GRIA1: variants seen among roughly 807,000 people sequenced by gnomAD.
The protein encoded by GRIA1 is glutamate ionotropic receptor AMPA type subunit 1.
Under a neutral mutation model 99.2 loss-of-function variants are expected in GRIA1, and 31 were observed. The ratio of observed to expected loss-of-function variants is 0.31; its 90% CI spans 0.23 to 0.42. The LOEUF is 0.42. Ranked by LOEUF, GRIA1 falls within the 10% of genes least tolerant of loss-of-function variation. The pLI, the probability that GRIA1 is intolerant of heterozygous loss-of-function variation, is 1.00. For synonymous variants in GRIA1, 438 were observed against 432.4 expected, an observed-to-expected ratio of 1.01 and a Z score of -0.16; for missense variants, 782 against 1,157.5, an observed-to-expected ratio of 0.68 and a Z score of 4.71.
At chr5:153,683,661 C>A (rs1757142141) in intron 7 of GRIA1, among the ~76,000 whole-genome samples, 1 of 152,168 alleles carries the variant, frequency 6.6e-6, no homozygotes, top group South Asian at 2.1e-4. Context: ...CTGAAAGAGT[C>A]CCCTTGTCTT....
At chr5:153,718,367 G>A (rs1389491323) in intron 11 of GRIA1, among the ~76,000 whole-genome samples, 1 of 152,158 alleles carries the variant, frequency 6.6e-6, no homozygotes, top group Non-Finnish European at 1.5e-5. Flanking sequence ...AAGGGATTAA[G>A]CAAGACTTAT....
chr5:153,655,189 C>T (rs551034998), intron 4 of GRIA1, among the ~76,000 whole-genome samples: 1 of 152,262 alleles, frequency 6.6e-6, no homozygotes, highest in Non-Finnish European at 1.5e-5. Context: ...CCAGATGATC[C>T]TAACTTTCCC....
intron 2 of GRIA1, among the ~76,000 whole-genome samples, chr5:153,626,581 C>G (rs1767648592): frequency 6.6e-6 from 1 of 152,032 alleles, no homozygotes; most frequent in Non-Finnish European, 1.5e-5. Flanking sequence ...ACCCTTAGCT[C>G]TCAGTGCTAA....
intron 11 of GRIA1, among the ~76,000 whole-genome samples, chr5:153,716,061 C>T (rs1033068162): frequency 3.9e-5 from 6 of 152,214 alleles, no homozygotes; most frequent in Admixed American, 2.6e-4. Flanking sequence ...CCAGCTACCC[C>T]ACTATTCAGG....
At chr5:153,704,581 A>G (rs867004260) in intron 10 of GRIA1, among the ~76,000 whole-genome samples, 1 of 152,196 alleles carries the variant, frequency 6.6e-6, no homozygotes, top group South Asian at 2.1e-4. Flanking sequence ...TGTATTATAT[A>G]TGTATTTCTT....
intron 2 of GRIA1, among the ~76,000 whole-genome samples, chr5:153,591,407 G>A (rs573356727): frequency 2.6e-5 from 4 of 152,080 alleles, no homozygotes; most frequent in Admixed American, 1.3e-4. Context: ...ATTGAGTATC[G>A]CACGAAAACC....
At chr5:153,666,378 C>T (rs1755745747) in intron 5 of GRIA1, among the ~76,000 whole-genome samples, 1 of 152,134 alleles carries the variant, frequency 6.6e-6, no homozygotes, top group African/African-American at 2.4e-5. Context: ...GAATAAAGTG[C>T]TGTGTGGTTC....
intron 2 of GRIA1, among the ~76,000 whole-genome samples, chr5:153,633,276 T>A (rs1270787017): frequency 1.3e-5 from 2 of 152,240 alleles, no homozygotes; most frequent in African/African-American, 2.4e-5. Context: ...TACTGTTTCC[T>A]CCAGAATTAA....
intron 2 of GRIA1, among the ~76,000 whole-genome samples, chr5:153,540,163 G>A (rs1457121478): frequency 1.3e-5 from 2 of 152,204 alleles, no homozygotes; most frequent in Non-Finnish European, 2.9e-5. Flanking sequence ...GCCTCTGCCT[G>A]CCTTGCCTTA....
intron 11 of GRIA1, among the ~76,000 whole-genome samples, chr5:153,744,930 AG>A (rs540148695): frequency 3.9e-4 from 59 of 152,354 alleles, no homozygotes; most frequent in Non-Finnish European, 7.6e-4. Flanking sequence ...AGCAGCAGTC[AG>A]GCAGGCTTCT....
chr5:153,750,351 C>T (rs1762431083), intron 11 of GRIA1, among the ~76,000 whole-genome samples: 1 of 152,102 alleles, frequency 6.6e-6, no homozygotes, highest in African/African-American at 2.4e-5. Context: ...TATAAATAGC[C>T]ATTTGAAGAA....
chr5:153,636,591 G>C (rs1233323911), intron 2 of GRIA1, among the ~76,000 whole-genome samples: 1 of 152,158 alleles, frequency 6.6e-6, no homozygotes, highest in African/African-American at 2.4e-5. Context: ...TGCAGAAAAA[G>C]TTTGCCTATA....
At chr5:153,628,401 CTT>C (rs770819972) in intron 2 of GRIA1, among the ~76,000 whole-genome samples, 2 of 152,296 alleles carry the variant, frequency 1.3e-5, no homozygotes, top group Admixed American at 6.5e-5. Flanking sequence ...TGCCCTTGAA[CTT>C]TCATATTTTC....
At chr5:153,808,830 A>G (rs759829075) in intron 15 of GRIA1, among the ~76,000 whole-genome samples, 89 of 152,242 alleles carry the variant, frequency 5.8e-4, no homozygotes, top group Non-Finnish European at 1.1e-3. Context: ...GTATGGAGTC[A>G]TTGACTTTGA....
At chr5:153,646,819 G>A (rs1010499977) in intron 2 of GRIA1, 109 bp from the exon 3 acceptor site, 7 of 1,175,562 alleles carry the variant, frequency 6.0e-6, no homozygotes, top group Middle Eastern at 4.4e-4. Context: ...ATGACAGTTG[G>A]GTGGATAATT....
chr5:153,690,823 A>G (rs1237374802), intron 8 of GRIA1, among the ~76,000 whole-genome samples: 1 of 152,182 alleles, frequency 6.6e-6, no homozygotes, highest in Non-Finnish European at 1.5e-5. Flanking sequence ...TCCTTTGTTT[A>G]TGGGGGATCT....
Position 153,688,259 on chromosome 5 carries a change from T to TA in GRIA1, c.1134+1931dup, listed in dbSNP as rs1197645443. Reference sequence around the variant, plus strand: ...AGGGCACCCTATTTGGCTATGAATGTAGCCACTGGGAACGTATCCACTTCT... The same window carrying TA: ...AGGGCACCCTATTTGGCTATGAATGTAAGCCACTGGGAACGTATCCACTTCT... On this transcript the variant is annotated intron_variant, in intron 8 of 15. Coordinates refer to ENST00000285900, the MANE Select transcript of GRIA1 (RefSeq NM_000827.4). 2.6e-5 allele frequency among the ~76,000 whole-genome samples: 4 copies of TA among 152,308 alleles called. No individual in the cohort carries two copies. In the East Asian group the frequency reaches 5.8e-4, roughly 22 times the overall value.
At chr5:153,733,330 C>T (rs1761169013) in intron 11 of GRIA1, among the ~76,000 whole-genome samples, 1 of 151,856 alleles carries the variant, frequency 6.6e-6, no homozygotes, top group Admixed American at 6.6e-5. Context: ...TTACATAAGC[C>T]TCCTTACGTA....
At chr5:153,629,799 T>C (rs146005518) in intron 2 of GRIA1, among the ~76,000 whole-genome samples, 1 of 152,380 alleles carries the variant, frequency 6.6e-6, no homozygotes, top group African/African-American at 2.4e-5. Context: ...GCAGAATTTA[T>C]TTCATTTTCT....
Sources: allele counts gnomAD v4.1 joint callset (sites outside exome capture counted in the v4.1 genomes callset), GRCh38; gene constraint gnomAD v4.1.1; transcripts MANE v1.5; gene names NCBI Gene and HGNC (gene_info 2026-07-23, HGNC 2026-07-21).